Variants in GFRA2 observed in about 807,000 individuals in gnomAD.
GFRA2 encodes the protein GDNF family receptor alpha-2.
In GFRA2, 17 loss-of-function variants were observed where a neutral mutation model predicts 48.3. The ratio of observed to expected loss-of-function variants is 0.35; its 90% CI spans 0.24 to 0.53. The LOEUF (loss-of-function observed/expected upper bound fraction) is 0.53, where lower values mean the gene tolerates loss of function less well. Ranked by LOEUF, GFRA2 falls within the 20% of genes least tolerant of loss-of-function variation. The pLI is 0.93. For synonymous variants in GFRA2, 305 were observed against 257.2 expected, an observed-to-expected ratio of 1.19 and a Z score of -1.78; for missense variants, 660 against 637.3, an observed-to-expected ratio of 1.04 and a Z score of -0.38.
At chr8:21,694,092 T>TATATATATATATATATATATATATATATA (rs1221616880) in intron 8 of GFRA2, among the ~76,000 whole-genome samples, 95 of 138,438 alleles carry the variant, frequency 6.9e-4, no homozygotes, top group South Asian at 1.2e-3. Flanking sequence ...TATATATATA[T>TATATATATATATATATATATATATATATA]TTCCTATAGT....
chr8:21,741,333 T>A (rs1804734427), intron 4 of GFRA2, among the ~76,000 whole-genome samples: 1 of 152,220 alleles, frequency 6.6e-6, no homozygotes, highest in African/African-American at 2.4e-5. Context: ...TCTTTCTCCC[T>A]TGGTCTGACA....
intron 4 of GFRA2, among the ~76,000 whole-genome samples, chr8:21,713,486 A>G (rs954314573): frequency 3.3e-5 from 5 of 151,972 alleles, no homozygotes; most frequent in African/African-American, 1.2e-4. Flanking sequence ...GTGAGCCACC[A>G]CACCCAGCTT....
upstream of GFRA2, chr8:21,790,051 G>A: frequency 1.0e-6 from 1 of 984,732 alleles, no homozygotes; most frequent in Non-Finnish European, 1.2e-6. Flanking sequence ...TGATCCATCT[G>A]TCGGTGGGCC....
intron 5 of GFRA2, among the ~76,000 whole-genome samples, chr8:21,705,619 A>C (rs1563217604): frequency 1.3e-5 from 2 of 152,350 alleles, no homozygotes; most frequent in East Asian, 3.9e-4. Flanking sequence ...TCAGTAAGAC[A>C]GTCCGTGTAA....
intron 4 of GFRA2, among the ~76,000 whole-genome samples, chr8:21,727,671 G>A (rs984005469): frequency 5.3e-5 from 8 of 152,120 alleles, no homozygotes; most frequent in African/African-American, 1.9e-4. Context: ...CAGCGGGTTG[G>A]ACGCTACTGC....
At chr8:21,730,089 G>C (rs916235125) in intron 4 of GFRA2, among the ~76,000 whole-genome samples, 5 of 152,186 alleles carry the variant, frequency 3.3e-5, no homozygotes, top group African/African-American at 1.2e-4. Context: ...TCAGTGTTAC[G>C]GCACGAGAAG....
intron 7 of GFRA2, among the ~76,000 whole-genome samples, chr8:21,700,030 T>A (rs1334823494): frequency 1.3e-5 from 2 of 152,106 alleles, no homozygotes; most frequent in Non-Finnish European, 2.9e-5. Context: ...GTGGACGGAA[T>A]CGGAGAAGGC....
chr8:21,730,601 C>T (rs895882658), intron 4 of GFRA2, among the ~76,000 whole-genome samples: 4 of 152,156 alleles, frequency 2.6e-5, no homozygotes, highest in Non-Finnish European at 5.9e-5. Context: ...CCAGGTGCCT[C>T]TCCAGCACCA....
At chr8:21,756,487 G>A (rs1805575535) in intron 3 of GFRA2, among the ~76,000 whole-genome samples, 1 of 152,140 alleles carries the variant, frequency 6.6e-6, no homozygotes, top group African/African-American at 2.4e-5. Context: ...TTCATTATGA[G>A]GGAGATGGTG....
chr8:21,755,108 G>A (rs1434880832), intron 3 of GFRA2, among the ~76,000 whole-genome samples: 1 of 152,126 alleles, frequency 6.6e-6, no homozygotes, highest in Non-Finnish European at 1.5e-5. Flanking sequence ...TTAGGGCAAT[G>A]AAATCACTCT....
chr8:21,705,865 G>A (rs987284514), intron 5 of GFRA2, 67 bp downstream of exon 5: 25 of 1,078,510 alleles, frequency 2.3e-5, no homozygotes, highest in Admixed American at 1.5e-4. Flanking sequence ...GCTGGGCTGC[G>A]GCCCCTGCCC....
chr8:21,731,942 G>A (rs1395978989), intron 4 of GFRA2, among the ~76,000 whole-genome samples: 1 of 152,234 alleles, frequency 6.6e-6, no homozygotes, highest in African/African-American at 2.4e-5. Context: ...CCAGAGTCAA[G>A]AATAACACTG....
At chr8:21,712,914 G>A (rs1285096456) in intron 4 of GFRA2, among the ~76,000 whole-genome samples, 1 of 152,086 alleles carries the variant, frequency 6.6e-6, no homozygotes, top group Non-Finnish European at 1.5e-5. Flanking sequence ...GGCTGAGGCA[G>A]GAGAATCAGG....
chr8:21,743,461 T>C (rs2117559698), intron 4 of GFRA2, among the ~76,000 whole-genome samples: 1 of 152,314 alleles, frequency 6.6e-6, no homozygotes, highest in African/African-American at 2.4e-5. Context: ...AGCTATCTTC[T>C]ACACAATTGT....
At chr8:21,728,028 C>T (rs897044992) in intron 4 of GFRA2, among the ~76,000 whole-genome samples, 3 of 152,128 alleles carry the variant, frequency 2.0e-5, no homozygotes, top group Non-Finnish European at 4.4e-5. Context: ...AACTCCTCAT[C>T]ACATACATTA....
chr8:21,750,836 G>T lies in GFRA2; in HGVS notation c.546C>A (p.Ile182=). ...DNCKKLRSSY[I]SICNREISPT... is the part of the protein sequence containing the mutation. ...GCGAGATCTCGCGGTTGCAGATGGA[G>T]ATGTAGGAGGAGCGCAGCTTCTTGC... Residue 182 remains isoleucine (I), a synonymous_variant, in exon 4 of 9, where the codon ATC becomes ATA. Transcript: ENST00000524240. This position sits in a 1 kb window ranked among gnomAD's most constrained non-coding sequence, Gnocchi z 5.7. The T allele has an allele frequency of 6.2e-7, 1 of 1,613,990 alleles. No individual in the cohort carries two copies.
chr8:21,697,924 C>T (rs2117332834), intron 7 of GFRA2, among the ~76,000 whole-genome samples: 1 of 152,302 alleles, frequency 6.6e-6, no homozygotes, highest in East Asian at 1.9e-4. Flanking sequence ...GCCTCCCCGG[C>T]CATGTGGAAC....
Position 21,787,262 on chromosome 8 carries a change from GCGGGGGGGGCAGT to G in GFRA2, c.40+845_40+857del, listed in dbSNP as rs1417913436. Among the ~76,000 whole-genome samples the G allele has an allele frequency of 2.4e-4, 33 of 138,950 alleles. 3 individuals are homozygous for G. In the East Asian group the frequency reaches 4.0e-3, roughly 17 times the overall value. The allele number at this position is 138,950 out of a possible 152,430, so 91.2% of individuals were successfully genotyped here. A position where few individuals can be genotyped will look rare whatever the true frequency, so the allele number is the denominator to read the frequency against. Reference sequence around the variant, plus strand: ...GCCTCTCCTCCCTGTCTTGGAGGCGGCGGGGGGGGCAGTGGGGGGGGTTTGCAGAAGGAGCAGT... The same window carrying G: ...GCCTCTCCTCCCTGTCTTGGAGGCGGGGGGGGGGTTTGCAGAAGGAGCAGT... On this transcript the variant is annotated intron_variant, in intron 1 of 8. Transcript: ENST00000524240.
At chr8:21,725,670 G>A (rs1803832111) in intron 4 of GFRA2, among the ~76,000 whole-genome samples, 2 of 152,328 alleles carry the variant, frequency 1.3e-5, no homozygotes, top group African/African-American at 4.8e-5. Context: ...TACACAGGTA[G>A]TGCAAAATTC....
Sources: allele counts gnomAD v4.1 joint callset (sites outside exome capture counted in the v4.1 genomes callset), GRCh38; gene constraint gnomAD v4.1.1; non-coding constraint Gnocchi (gnomAD v3.1); transcripts MANE v1.5; gene names NCBI Gene and HGNC (gene_info 2026-07-23, HGNC 2026-07-21).